Variants in NEDD9 observed in about 807,000 individuals in gnomAD.
The protein encoded by NEDD9 is enhancer of filamentation 1.
Under a neutral mutation model 76.6 loss-of-function variants are expected in NEDD9, and 26 were observed. The observed-to-expected ratio is 0.34, with a 90% confidence interval of 0.25 to 0.47. The LOEUF (loss-of-function observed/expected upper bound fraction) is 0.47. Among genes scored for constraint, NEDD9 ranks in the 20% least tolerant of loss-of-function variants. The pLI, the probability that NEDD9 is intolerant of heterozygous loss-of-function variation, is 1.00. For synonymous variants in NEDD9, 392 were observed against 414.2 expected (o/e 0.95, Z 0.65); for missense variants, 937 against 1,058.5 (o/e 0.89, Z 1.59).
At chr6:11,268,301 G>A (rs1760237916) in intron 3 of NEDD9, among the ~76,000 whole-genome samples, 1 of 152,140 alleles carries the variant, frequency 6.6e-6, no homozygotes, top group Non-Finnish European at 1.5e-5. Context: ...AAAGTGCTGG[G>A]ATTACAGGCG....
At chr6:11,247,600 T>A (rs1265724501) in intron 3 of NEDD9, among the ~76,000 whole-genome samples, 2 of 152,248 alleles carry the variant, frequency 1.3e-5, no homozygotes, top group African/African-American at 4.8e-5. Context: ...CACTCCCCAT[T>A]TCCCCCCAGG....
At chr6:11,293,196 G>GTTTTTTTTTTTT (rs35317754) in intron 3 of NEDD9, among the ~76,000 whole-genome samples, 1 of 148,428 alleles carries the variant, frequency 6.7e-6, no homozygotes, top group African/African-American at 2.5e-5. Context: ...CTAAGTCTAT[G>GTTTTTTTTTTTT]TTTTTTTTTT....
At chr6:11,273,012 A>G (rs1332828747) in intron 3 of NEDD9, among the ~76,000 whole-genome samples, 1 of 152,078 alleles carries the variant, frequency 6.6e-6, no homozygotes, top group African/African-American at 2.4e-5. Context: ...CCACAGAGAT[A>G]GGGTCTGGTG....
At chr6:11,281,095 C>T (rs1760527605) in intron 3 of NEDD9, among the ~76,000 whole-genome samples, 2 of 152,200 alleles carry the variant, frequency 1.3e-5, no homozygotes, top group Non-Finnish European at 2.9e-5. Flanking sequence ...TTCATAACTT[C>T]CTATATTTGT....
chr6:11,344,593 C>T (rs1179387850), intron 1 of NEDD9, among the ~76,000 whole-genome samples: 1 of 152,188 alleles, frequency 6.6e-6, no homozygotes, highest in Admixed American at 6.5e-5. Flanking sequence ...TCCTTCGGGG[C>T]AAACTCCAGC....
At chr6:11,310,140 A>T (rs1471849444) in intron 2 of NEDD9, among the ~76,000 whole-genome samples, 1 of 152,186 alleles carries the variant, frequency 6.6e-6, no homozygotes, top group Admixed American at 6.5e-5. Flanking sequence ...AGTCAGGACC[A>T]CTGCAGAGGA....
chr6:11,370,853 G>A lies in NEDD9; in HGVS notation c.-214+11286C>T, dbSNP rs554126519. 2.0e-5 allele frequency among the ~76,000 whole-genome samples: 3 copies of A among 152,298 alleles called. No individual in the cohort carries two copies. Among genetic ancestry groups the A allele is most frequent in the Admixed American group, 6.5e-5 (1 of 15,306 alleles). On this transcript the variant is annotated intron_variant, in intron 1 of 3. Transcript: ENST00000397378. The surrounding 1 kb of genome is among the most constrained non-coding windows in gnomAD (Gnocchi z 4.2). ...CCAGTACGTCAGTCTGCACGGCGTC[G>A]GGTGGTGTTGAGGACAGGTGACAAC...
chr6:11,332,033 T>A (rs1342038694), intron 2 of NEDD9, among the ~76,000 whole-genome samples: 1 of 152,246 alleles, frequency 6.6e-6, no homozygotes, highest in African/African-American at 2.4e-5. Flanking sequence ...TGGCCCAAGT[T>A]TGAACCAGAA....
chr6:11,329,762 G>A (rs549642981), intron 2 of NEDD9, among the ~76,000 whole-genome samples: 143 of 152,106 alleles, frequency 9.4e-4, no homozygotes, highest in African/African-American at 3.2e-3. Flanking sequence ...CAACTGGGTG[G>A]GGGGGGCGGT....
At chr6:11,350,833 T>C (rs1465091849) in intron 1 of NEDD9, among the ~76,000 whole-genome samples, 2 of 151,808 alleles carry the variant, frequency 1.3e-5, no homozygotes, top group Non-Finnish European at 2.9e-5. Flanking sequence ...AGGTAAACAC[T>C]CGGGGGCTCA....
At chr6:11,349,585 C>T (rs1180816877) in intron 1 of NEDD9, among the ~76,000 whole-genome samples, 3 of 152,200 alleles carry the variant, frequency 2.0e-5, no homozygotes, top group Non-Finnish European at 4.4e-5. Flanking sequence ...GAACGCTATG[C>T]AGCCATATTA....
intron 2 of NEDD9, among the ~76,000 whole-genome samples, chr6:11,328,370 TA>T (rs1761970625): frequency 6.6e-6 from 1 of 152,232 alleles, no homozygotes; most frequent in Non-Finnish European, 1.5e-5. Flanking sequence ...TTGGATCCTG[TA>T]ACAGGGTTAA....
chr6:11,246,285 A>C (rs1759806161), intron 3 of NEDD9, among the ~76,000 whole-genome samples: 1 of 152,206 alleles, frequency 6.6e-6, no homozygotes, highest in South Asian at 2.1e-4. Flanking sequence ...GGGAAGAGGC[A>C]CAACTTGCCT....
chr6:11,283,619 G>T (rs926499478), intron 3 of NEDD9, among the ~76,000 whole-genome samples: 1 of 152,130 alleles, frequency 6.6e-6, no homozygotes, highest in Non-Finnish European at 1.5e-5. Context: ...AACTCTTCTT[G>T]CAAGAGAGGA....
intron 2 of NEDD9, among the ~76,000 whole-genome samples, chr6:11,317,390 T>C (rs570437032): frequency 7.1e-4 from 107 of 150,824 alleles, no homozygotes; most frequent in Non-Finnish European, 7.1e-4. Flanking sequence ...TACTCCAGCC[T>C]GGGCTATAGG....
At chr6:11,289,849 A>T (rs763534530) in intron 3 of NEDD9, among the ~76,000 whole-genome samples, 6 of 152,116 alleles carry the variant, frequency 3.9e-5, no homozygotes, top group Non-Finnish European at 7.4e-5. Context: ...CTGTTAAATA[A>T]TTTCTCCAAG....
In NEDD9 at chr6:11,188,293, A is replaced by T; in HGVS notation, c.1920T>A (p.Phe640Leu). The T allele has an allele frequency of 6.2e-7, 1 of 1,613,740 alleles. No individual in the cohort carries two copies. Among genetic ancestry groups the T allele is most frequent in the Non-Finnish European group, 8.5e-7 (1 of 1,179,628 alleles). The change falls in exon 6 of 7, where the codon TTT (phenylalanine) becomes TTA (leucine). Residue 640 changes from phenylalanine to leucine, a missense_variant. Physicochemically the swap from Phe to Leu is conservative, Grantham distance 22. Coordinates refer to ENST00000379446, the MANE Select transcript of NEDD9 (RefSeq NM_006403.4). The stretch of plus-strand genomic sequence containing the variant: ...CCAATAGCTCTTTCTGTTGCCTCTC[A>T]AACTCCTCCTTACCCTGTTAATTTT... ...DYVHLQGKEE[F>L]ERQQKELLEK...
At chr6:11,195,104 C>A (rs1314986745) in intron 2 of NEDD9, among the ~76,000 whole-genome samples, 1 of 152,204 alleles carries the variant, frequency 6.6e-6, no homozygotes, top group Non-Finnish European at 1.5e-5. Context: ...GAAAAATGCT[C>A]CACGTCCATC....
At chr6:11,271,228 G>T (rs1216268853) in intron 3 of NEDD9, among the ~76,000 whole-genome samples, 1 of 152,038 alleles carries the variant, frequency 6.6e-6, no homozygotes, top group Admixed American at 6.6e-5. Context: ...GTAGAAATGC[G>T]GTCTCATTTT....
Sources: allele counts gnomAD v4.1 joint callset (sites outside exome capture counted in the v4.1 genomes callset), GRCh38; gene constraint gnomAD v4.1.1; non-coding constraint Gnocchi (gnomAD v3.1); transcripts MANE v1.5; gene names NCBI Gene and HGNC (gene_info 2026-07-23, HGNC 2026-07-21).